SH3RF1: variants seen among roughly 807,000 people sequenced by gnomAD.
SH3RF1 encodes the protein E3 ubiquitin-protein ligase SH3RF1.
Under a neutral mutation model 74.0 loss-of-function variants are expected in SH3RF1, and 32 were observed. The observed-to-expected ratio is 0.43, with a 90% CI of 0.33 to 0.58. The LOEUF (loss-of-function observed/expected upper bound fraction) is 0.58. Ranked by LOEUF, SH3RF1 falls within the 20% of genes least tolerant of loss-of-function variation. The pLI is 0.05. For missense variants in SH3RF1, 954 were observed against 1,130.9 expected (o/e 0.84, Z 2.24); for synonymous variants, 396 against 439.6 (o/e 0.90, Z 1.24).
Position 169,096,634 on chromosome 4 carries a change from T to C in SH3RF1, c.2552A>G (p.Lys851Arg), listed in dbSNP as rs1334137437. 6.2e-7 allele frequency: 1 copy of C among 1,614,132 alleles called. No homozygotes were observed. The highest frequency in any genetic ancestry group is 1.7e-5 in the Admixed American group (1 of 60,002). The change falls in exon 12 of 12, where the codon AAA becomes AGA. Residue 851 changes from lysine (K) to arginine (R), a missense_variant. By Grantham distance (26) the Lys-to-Arg change is conservative. Around this residue, in one of 3 missense-constraint regions of SH3RF1, gnomAD observed 36 missense variants for 66.5 expected, o/e 0.54. Transcript: ENST00000284637. The stretch of plus-strand genomic sequence containing the variant: ...ATGAACAAACACAATATCTCCTTCT[T>C]TAAGTTCAAGTTCTGCCTCACTCTG... Reference protein sequence around the residue: ...PPQSEAELELKEGDIVFVHKK... With the variant: ...PPQSEAELELREGDIVFVHKK...
chr4:169,129,387 T>C (rs567699602), intron 6 of SH3RF1, among the ~76,000 whole-genome samples: 1 of 152,354 alleles, frequency 6.6e-6, no homozygotes, highest in East Asian at 1.9e-4. Context: ...TAATTTTCTT[T>C]CCAGAATGGC....
intron 2 of SH3RF1, among the ~76,000 whole-genome samples, chr4:169,194,367 C>T (rs974762453): frequency 6.6e-6 from 1 of 152,158 alleles, no homozygotes; most frequent in Non-Finnish European, 1.5e-5. Flanking sequence ...TACCCTCTCC[C>T]TTTCCCAAAA....
chr4:169,250,249 A>C (rs1731078804), intron 2 of SH3RF1, among the ~76,000 whole-genome samples: 1 of 152,112 alleles, frequency 6.6e-6, no homozygotes. Flanking sequence ...AAGGATTTGT[A>C]TTCATTTCTG....
chr4:169,209,091 C>T (rs1730311763), intron 2 of SH3RF1, among the ~76,000 whole-genome samples: 2 of 152,012 alleles, frequency 1.3e-5, no homozygotes, highest in African/African-American at 4.8e-5. Context: ...AAGTTCGAGA[C>T]CAGCCTGGCC....
At chr4:169,204,755 T>G (rs1016844652) in intron 2 of SH3RF1, among the ~76,000 whole-genome samples, 1 of 152,132 alleles carries the variant, frequency 6.6e-6, no homozygotes, top group Non-Finnish European at 1.5e-5. Flanking sequence ...TTCACCACTT[T>G]GGCCAAGATG....
At chr4:169,235,548 C>T (rs548646723) in intron 2 of SH3RF1, among the ~76,000 whole-genome samples, 2 of 152,320 alleles carry the variant, frequency 1.3e-5, no homozygotes, top group Admixed American at 6.5e-5. Flanking sequence ...ACAGAGCTGG[C>T]ATTTCAGCCC....
At chr4:169,121,120 A>T in intron 7 of SH3RF1, 131 bp from the exon 8 acceptor site, 2 of 736,446 alleles carry the variant, frequency 2.7e-6, no homozygotes, top group Non-Finnish European at 4.5e-6. Flanking sequence ...CCTTTAATCT[A>T]TAAGTAGCAC....
chr4:169,229,203 C>T (rs941357284), intron 2 of SH3RF1, among the ~76,000 whole-genome samples: 3 of 152,050 alleles, frequency 2.0e-5, no homozygotes, highest in Admixed American at 2.0e-4. Flanking sequence ...CTGAACTCAT[C>T]TTTATAATTC....
In SH3RF1 at chr4:169,263,007, C is replaced by T. The variant is rs191969119; in HGVS notation, c.393+5813G>A. Among the ~76,000 whole-genome samples, 5 of 151,634 alleles carry T rather than the reference C, an allele frequency of 3.3e-5. No individual in the cohort carries two copies. In the East Asian group the frequency reaches 7.7e-4, roughly 23 times the overall value. ...AGCCAAAACAAACAAACAAACAAAA[C>T]CCACCTTTTCCGTTTTAATTCAATC... On this transcript the variant is annotated intron_variant, in intron 2 of 11. Coordinates refer to ENST00000284637, the MANE Select transcript of SH3RF1 (RefSeq NM_020870.4).
chr4:169,179,599 A>G (rs80027177), intron 2 of SH3RF1, among the ~76,000 whole-genome samples: 2,509 of 152,102 alleles, frequency 0.016, 71 homozygotes, highest in African/African-American at 0.058. Flanking sequence ...AGAACTTCCC[A>G]CTCTCTTCAG....
At chr4:169,130,985 T>A (rs940241516) in intron 5 of SH3RF1, among the ~76,000 whole-genome samples, 1 of 152,216 alleles carries the variant, frequency 6.6e-6, no homozygotes, top group African/African-American at 2.4e-5. Context: ...GGTTGGCTGG[T>A]ACCTGCCTCC....
At chr4:169,132,344 C>A (rs1561032320) in intron 5 of SH3RF1, among the ~76,000 whole-genome samples, 1 of 152,114 alleles carries the variant, frequency 6.6e-6, no homozygotes, top group Non-Finnish European at 1.5e-5. Context: ...GGGATAAGTC[C>A]CTTCATGTCT....
In SH3RF1 at chr4:169,106,921, G is replaced by A. The variant is rs907031964; in HGVS notation, c.2424C>T (p.Ile808=). 18 of 1,613,644 alleles carry A rather than the reference G, an allele frequency of 1.1e-5. No individual in the cohort carries two copies. The African/African-American group carries it at 1.3e-4, about 12-fold the overall frequency. ...AACAGGCCTGGCGAGGAGGTGGAGCGATGGGAACTGCGGAGTCCAGGGAAC... is the reference window on the plus strand; with the variant it reads ...AACAGGCCTGGCGAGGAGGTGGAGCAATGGGAACTGCGGAGTCCAGGGAAC... ...KASSLDSAVP[I]APPPRQACSS... The change falls in exon 11 of 12, where the codon ATC becomes ATT. Residue 808 remains isoleucine (I), a synonymous_variant. Transcript: ENST00000284637.
At chr4:169,119,012 A>G (rs1733392271) in intron 8 of SH3RF1, among the ~76,000 whole-genome samples, 1 of 152,216 alleles carries the variant, frequency 6.6e-6, no homozygotes, top group Non-Finnish European at 1.5e-5. Context: ...TTCTACTAAG[A>G]AAACACTTCA....
At chr4:169,125,834 G>A (rs539148303) in intron 6 of SH3RF1, among the ~76,000 whole-genome samples, 1 of 152,330 alleles carries the variant, frequency 6.6e-6, no homozygotes, top group Admixed American at 6.5e-5. Flanking sequence ...GTTGATGAGG[G>A]AATGGTTCAA....
chr4:169,130,030 G>A lies in SH3RF1; in HGVS notation c.1179+16C>T, dbSNP rs1268960584. 1 of 1,603,324 alleles carries A rather than the reference G, an allele frequency of 6.2e-7. No homozygotes were observed. The highest frequency in any genetic ancestry group is 2.2e-5 in the East Asian group (1 of 44,692). ...AGACCTAAAAGAGAAATAAAAATGG[G>A]AGAAACTATACTCACTCCAAGGGCA... On this transcript the variant is annotated intron_variant, in intron 6 of 11. Coordinates refer to ENST00000284637, the MANE Select transcript of SH3RF1 (RefSeq NM_020870.4).
At chr4:169,107,425 G>C (rs1029713873) in intron 10 of SH3RF1, among the ~76,000 whole-genome samples, 6 of 152,060 alleles carry the variant, frequency 3.9e-5, no homozygotes, top group African/African-American at 1.2e-4. Context: ...ACCAAGTTTT[G>C]TGTGGTGCTA....
At chr4:169,175,554 T>G (rs1185324638) in intron 2 of SH3RF1, among the ~76,000 whole-genome samples, 1 of 152,204 alleles carries the variant, frequency 6.6e-6, no homozygotes, top group Admixed American at 6.5e-5. Context: ...TTCAGGTCTC[T>G]GCTCTAATGT....
intron 2 of SH3RF1, among the ~76,000 whole-genome samples, chr4:169,219,181 T>C (rs1335450127): frequency 6.6e-6 from 1 of 152,110 alleles, no homozygotes; most frequent in African/African-American, 2.4e-5. Context: ...ACAACTGACC[T>C]TTACAGAAGA....
Sources: allele counts gnomAD v4.1 joint callset (sites outside exome capture counted in the v4.1 genomes callset), GRCh38; gene constraint gnomAD v4.1.1; regional missense constraint gnomAD v4.1.1; transcripts MANE v1.5; gene names NCBI Gene and HGNC (gene_info 2026-07-23, HGNC 2026-07-21).